Variants in TRPM3 observed in about 807,000 individuals in gnomAD.
TRPM3 encodes the protein long transient receptor potential channel 3.
A neutral mutation model predicts 181.2 loss-of-function variants in TRPM3; 77 were observed. That is an observed-to-expected ratio of 0.42 (90% confidence interval 0.35 to 0.51). The LOEUF is 0.51. Among genes scored for constraint, TRPM3 ranks in the 20% least tolerant of loss-of-function variants. TRPM3 has a pLI of 0.01. For missense variants in TRPM3, 1,759 were observed against 2,196.7 expected (o/e 0.80, Z 3.98); for synonymous variants, 745 against 796.4 (o/e 0.94, Z 1.09).
At chr9:71,146,368 C>T (rs1157943956) in intron 1 of TRPM3, among the ~76,000 whole-genome samples, 1 of 152,142 alleles carries the variant, frequency 6.6e-6, no homozygotes, top group African/African-American at 2.4e-5. Flanking sequence ...AAACAATCCA[C>T]CACATGTCAA....
chr9:71,056,407 T>G (rs577452936), intron 1 of TRPM3, among the ~76,000 whole-genome samples: 1 of 151,892 alleles, frequency 6.6e-6, no homozygotes, highest in African/African-American at 2.4e-5. Context: ...TGAGACACTC[T>G]TCATAAATAT....
chr9:70,590,216 A>G lies in TRPM3; in HGVS notation c.3223+815T>C, dbSNP rs185689988. Among the ~76,000 whole-genome samples the G allele has an allele frequency of 1.2e-4, 18 of 152,216 alleles. No homozygotes were observed. The East Asian group carries it at 2.7e-3, about 23-fold the overall frequency. On this transcript the variant is annotated intron_variant, in intron 22 of 25. Transcript: ENST00000677713. ...TGCTTTCTTCCCAAAAAATTTCCCA[A>G]TGCCTGGTGTGTCCTGACATTTGGT...
chr9:71,100,111 T>C (rs2068064153), intron 1 of TRPM3, among the ~76,000 whole-genome samples: 1 of 152,182 alleles, frequency 6.6e-6, no homozygotes, highest in Non-Finnish European at 1.5e-5. Flanking sequence ...TCATCATGTT[T>C]TACAAAAATA....
intron 1 of TRPM3, among the ~76,000 whole-genome samples, chr9:71,048,492 C>A (rs567513988): frequency 6.6e-6 from 1 of 152,190 alleles, no homozygotes; most frequent in Admixed American, 6.5e-5. Flanking sequence ...CTTCCCCAAG[C>A]AAGCGTGCTG....
intron 6 of TRPM3, among the ~76,000 whole-genome samples, chr9:70,807,776 T>C (rs929858672): frequency 2.0e-5 from 3 of 151,958 alleles, no homozygotes; most frequent in African/African-American, 7.3e-5. Context: ...GAGAGGCTGA[T>C]ATAGAGCACA....
intron 1 of TRPM3, among the ~76,000 whole-genome samples, chr9:70,992,377 A>T (rs1474801462): frequency 6.6e-6 from 1 of 152,180 alleles, no homozygotes; most frequent in Non-Finnish European, 1.5e-5. Flanking sequence ...ATTAGTGATG[A>T]ATTCTCCTGG....
At position 70,537,508 on chromosome 9, in the gene TRPM3, T is replaced by G. The variant is rs1588008751; in HGVS notation, c.3708-103A>C. On this transcript the variant is annotated intron_variant, in intron 25 of 25. Transcript: ENST00000677713. ...CACAGCTGTGCCTGACCTTGGTACC[T>G]TCAATGGAAGACAGGTTACAGGTGT... The G allele has an allele frequency of 5.7e-6, 6 of 1,056,882 alleles. No homozygotes were observed. In the East Asian group the frequency reaches 1.4e-4, roughly 25 times the overall value. The allele number at this position is 1,056,882 out of a possible 1,614,324, so 65.5% of individuals were successfully genotyped here. A position where few individuals can be genotyped will look rare whatever the true frequency, so the allele number is the denominator to read the frequency against.
In TRPM3 at chr9:70,999,997, A is replaced by G. The variant is rs1436625120; in HGVS notation, c.177+121181T>C. Among the ~76,000 whole-genome samples, 3 of 152,164 alleles carry G rather than the reference A, an allele frequency of 2.0e-5. No homozygotes were observed. In the East Asian group the frequency reaches 5.8e-4, roughly 29 times the overall value. On this transcript the variant is annotated intron_variant, in intron 1 of 25. Transcript: ENST00000677713. ...TGTGCCAAGTCTTTATTTTCATATA[A>G]TGCCATAACCTAGTGTTTTGGGGAC...
At chr9:71,044,162 T>C (rs1416883002) in intron 1 of TRPM3, among the ~76,000 whole-genome samples, 1 of 152,214 alleles carries the variant, frequency 6.6e-6, no homozygotes, top group East Asian at 1.9e-4. Flanking sequence ...CACAAGACTT[T>C]TAAAATTTTA....
chr9:70,637,641 C>T (rs566410843), intron 11 of TRPM3, among the ~76,000 whole-genome samples: 2 of 152,058 alleles, frequency 1.3e-5, no homozygotes, highest in Non-Finnish European at 2.9e-5. Context: ...TCTGCTAACC[C>T]GTTTCTATTT....
chr9:70,537,740 A>G (rs1425657338), intron 25 of TRPM3, among the ~76,000 whole-genome samples: 1 of 152,124 alleles, frequency 6.6e-6, no homozygotes, highest in Non-Finnish European at 1.5e-5. Flanking sequence ...ATTGAAGTAG[A>G]GTGGGGCCAA....
intron 1 of TRPM3, among the ~76,000 whole-genome samples, chr9:71,048,782 T>C (rs2059748690): frequency 6.6e-6 from 1 of 152,180 alleles, no homozygotes; most frequent in African/African-American, 2.4e-5. Context: ...GTGTCCAATT[T>C]CTGAGACTAC....
chr9:71,305,425 A>T (rs914858287), intron 1 of TRPM3, among the ~76,000 whole-genome samples: 1 of 152,096 alleles, frequency 6.6e-6, no homozygotes, highest in Non-Finnish European at 1.5e-5. Context: ...TGCCACATAG[A>T]CCTAATTTGT....
Position 70,782,236 on chromosome 9 carries a change from G to A in TRPM3, c.1148+1869C>T, listed in dbSNP as rs553950335. 5.4e-5 allele frequency among the ~76,000 whole-genome samples: 8 copies of A among 149,050 alleles called. No individual in the cohort carries two copies. The South Asian group carries it at 6.4e-4, about 12-fold the overall frequency. ...TTTTTTTTTTTTAAGACAGAGTTTCGCTCTTGTTGCCTAGGCTGGAGTACA... is the reference window on the plus strand; with the variant it reads ...TTTTTTTTTTTTAAGACAGAGTTTCACTCTTGTTGCCTAGGCTGGAGTACA... On this transcript the variant is annotated intron_variant, in intron 7 of 25. Coordinates refer to ENST00000677713, the MANE Select transcript of TRPM3 (RefSeq NM_001366145.2).
At position 70,639,124 on chromosome 9, in the gene TRPM3, A is replaced by G. The variant is rs2057671989; in HGVS notation, c.1517T>C (p.Ile506Thr). 6.2e-7 allele frequency: 1 copy of G among 1,613,960 alleles called. No homozygotes were observed. Among genetic ancestry groups the G allele is most frequent in the Non-Finnish European group, 8.5e-7 (1 of 1,179,874 alleles). The change falls in exon 11 of 26, where the codon ATA becomes ACA. Residue 506 changes from isoleucine to threonine, a missense_variant. By Grantham distance (89) the Ile-to-Thr change is moderately conservative. Around this residue, in one of 8 missense-constraint regions of TRPM3, gnomAD observed 737 missense variants for 957.4 expected, o/e 0.77. Coordinates refer to ENST00000677713, the MANE Select transcript of TRPM3 (RefSeq NM_001366145.2). ...LDRVDFVKLLIENGVSMHRFL... is the reference protein window; with the variant it reads ...LDRVDFVKLLTENGVSMHRFL... ...ACGGTGCATGCTTACTCCATTCTCT[A>G]TGAGTAATTTCACAAAATCCACTCT... is the stretch of plus-strand genomic sequence containing the variant.
intron 19 of TRPM3, among the ~76,000 whole-genome samples, chr9:70,609,261 C>T (rs547199738): frequency 6.6e-6 from 1 of 152,154 alleles, no homozygotes; most frequent in Non-Finnish European, 1.5e-5. Context: ...CTTGTCACCA[C>T]TAAGCTGTTT....
At position 71,434,712 on chromosome 9, in the gene TRPM3, T is replaced by C. The variant is rs182281740; in HGVS notation, c.183+11941A>G. ...GCCATACTTCCCTAAAATAGGCCCA[T>C]TTTTGAAAAGAAAGGGAGACCCAAC... On this transcript the variant is annotated intron_variant, in intron 1 of 24. Coordinates refer to the TRPM3 transcript ENST00000357533. Among the ~76,000 whole-genome samples, 425 of 152,332 alleles carry C rather than the reference T, an allele frequency of 2.8e-3. 2 individuals are homozygous for C. The highest frequency in any genetic ancestry group is 9.3e-3 in the African/African-American group (387 of 41,584).
At chr9:71,313,017 C>T (rs909716702) in intron 1 of TRPM3, among the ~76,000 whole-genome samples, 4 of 152,020 alleles carry the variant, frequency 2.6e-5, no homozygotes, top group African/African-American at 9.7e-5. Context: ...ATGTACAACA[C>T]CAAGAGTGAA....
intron 1 of TRPM3, among the ~76,000 whole-genome samples, chr9:70,871,605 C>T (rs1310924944): frequency 2.6e-5 from 4 of 151,986 alleles, no homozygotes; most frequent in Non-Finnish European, 5.9e-5. Context: ...TGTAGATTAT[C>T]TTTAGGACCC....
Sources: allele counts gnomAD v4.1 joint callset (sites outside exome capture counted in the v4.1 genomes callset), GRCh38; gene constraint gnomAD v4.1.1; regional missense constraint gnomAD v4.1.1; transcripts MANE v1.5; gene names NCBI Gene and HGNC (gene_info 2026-07-23, HGNC 2026-07-21).